DISC1: variants seen among roughly 807,000 people sequenced by gnomAD.
The protein encoded by DISC1 is DISC1 scaffold protein, also known as disrupted in schizophrenia 1 protein.
DISC1 carries 57 observed loss-of-function variants against 84.5 expected under a neutral mutation model. That is an observed-to-expected ratio of 0.67 (90% CI 0.55 to 0.84). DISC1 has a LOEUF of 0.84. DISC1 is among the 40% of genes least tolerant of loss of function. The pLI, the probability that DISC1 is intolerant of heterozygous loss-of-function variation, is 0.00. For synonymous variants in DISC1, 411 were observed against 415.2 expected, an observed-to-expected ratio of 0.99 and a Z score of 0.12; for missense variants, 1,000 against 1,057.8, an observed-to-expected ratio of 0.95 and a Z score of 0.76.
At position 231,825,490 on chromosome 1, in the gene DISC1, C is replaced by T. The variant is rs142827999; in HGVS notation, c.1981+6973C>T. ...GTTGGTAGACACATGTACTCACACA[C>T]GCTCATATAATGTCCTGAAGATTAA... is the stretch of plus-strand genomic sequence containing the variant. On this transcript the variant is annotated intron_variant, in intron 9 of 12. Transcript: ENST00000439617. Among the ~76,000 whole-genome samples the T allele has an allele frequency of 2.5e-3, 380 of 152,260 alleles. 3 individuals carry two copies. Among genetic ancestry groups the T allele is most frequent in the Middle Eastern group, 0.01 (3 of 294 alleles).
chr1:231,705,288 T>A (rs2124942991), intron 3 of DISC1, among the ~76,000 whole-genome samples: 1 of 48,622 alleles, frequency 2.1e-5, no homozygotes, highest in African/African-American at 1.0e-4. Context: ...CGAGACTCCA[T>A]CTCAAAAAAA....
At chr1:231,831,484 A>G (rs56390960) in intron 9 of DISC1, among the ~76,000 whole-genome samples, 48,450 of 149,874 alleles carry the variant, frequency 0.32, 6,071 homozygotes, top group African/African-American at 0.4. Flanking sequence ...GTAGGTGGGA[A>G]TGACTGATGT....
chr1:231,847,342 A>G (rs1388939879), intron 9 of DISC1, among the ~76,000 whole-genome samples: 1 of 152,150 alleles, frequency 6.6e-6, no homozygotes. Flanking sequence ...CCGTGTCTCC[A>G]AAAAGTCACA....
rs2125659766 is a variant in DISC1, at chr1:231,694,346, C to T, written c.588C>T (p.Pro196=). 1 of 1,614,252 alleles carries T rather than the reference C, an allele frequency of 6.2e-7. No homozygotes were observed. The highest frequency in any genetic ancestry group is 8.5e-7 in the Non-Finnish European group (1 of 1,180,042). The change falls in exon 2 of 13, where the codon CCC becomes CCT. Residue 196 remains proline, a synonymous_variant. Coordinates refer to ENST00000439617, the MANE Select transcript of DISC1 (RefSeq NM_018662.3). Reference sequence around the variant, plus strand: ...GCCCTGGCTGTGGCCCTGAGGTCCCCCCAACCCCTCCTGGCTCTCACAGTG... The same window carrying T: ...GCCCTGGCTGTGGCCCTGAGGTCCCTCCAACCCCTCCTGGCTCTCACAGTG... ...SCSPGCGPEV[P]PTPPGSHSAF... is the part of the protein sequence containing the mutation.
At chr1:231,731,837 G>T (rs1170517590) in intron 3 of DISC1, among the ~76,000 whole-genome samples, 1 of 152,154 alleles carries the variant, frequency 6.6e-6, no homozygotes, top group East Asian at 1.9e-4. Context: ...CCAAGGCAAT[G>T]GCTCTCCCTG....
At chr1:231,806,750 G>C (rs1162652428) in intron 8 of DISC1, among the ~76,000 whole-genome samples, 8 of 152,242 alleles carry the variant, frequency 5.3e-5, no homozygotes, top group African/African-American at 1.9e-4. Flanking sequence ...AAAAAGAGCA[G>C]CTCTTTAACC....
chr1:231,775,975 A>C (rs1295833871), intron 6 of DISC1, among the ~76,000 whole-genome samples: 1 of 152,160 alleles, frequency 6.6e-6, no homozygotes, highest in African/African-American at 2.4e-5. Flanking sequence ...AGGAGGTGAC[A>C]GTGTCCAAGA....
intron 1 of DISC1, among the ~76,000 whole-genome samples, chr1:231,648,859 G>A (rs1018636359): frequency 2.0e-5 from 3 of 152,166 alleles, no homozygotes; most frequent in East Asian, 1.9e-4. Flanking sequence ...GGTATTTATA[G>A]CATTCTCTGA....
At chr1:231,888,603 G>A (rs2086956573) in intron 9 of DISC1, among the ~76,000 whole-genome samples, 2 of 151,888 alleles carry the variant, frequency 1.3e-5, no homozygotes, top group Non-Finnish European at 2.9e-5. Flanking sequence ...GCCGGGCATG[G>A]TGGCGGGCAC....
intron 9 of DISC1, among the ~76,000 whole-genome samples, chr1:231,911,599 T>A (rs746758100): frequency 3.9e-5 from 6 of 152,188 alleles, no homozygotes; most frequent in Non-Finnish European, 7.3e-5. Flanking sequence ...CTCTGGCTGC[T>A]CTTAACATAT....
intron 9 of DISC1, among the ~76,000 whole-genome samples, chr1:231,839,379 T>G (rs1216991247): frequency 2.0e-5 from 3 of 152,220 alleles, no homozygotes; most frequent in Non-Finnish European, 2.9e-5. Context: ...CATGTAACAA[T>G]CTTGGCTTAG....
intron 9 of DISC1, among the ~76,000 whole-genome samples, chr1:231,942,168 G>T (rs752877799): frequency 2.0e-5 from 3 of 152,226 alleles, no homozygotes; most frequent in Non-Finnish European, 2.9e-5. Flanking sequence ...TCCAGGGAAA[G>T]CCAGTGCAGG....
In DISC1 at chr1:231,749,410, C is replaced by T. The variant is rs149272162; in HGVS notation, c.1118-516C>T. Among the ~76,000 whole-genome samples, 17 of 152,292 alleles carry T rather than the reference C, an allele frequency of 1.1e-4. 1 individual carries two copies. In the East Asian group the frequency reaches 3.3e-3, roughly 29 times the overall value. ...TCATTAAAATATAATGGAACCCCTA[C>T]TTTACAACAGAAGTGGATATATAGT... On this transcript the variant is annotated intron_variant, in intron 3 of 12. Transcript: ENST00000439617.
At chr1:231,627,251 G>A (rs1278993810) in intron 1 of DISC1, among the ~76,000 whole-genome samples, 1 of 152,170 alleles carries the variant, frequency 6.6e-6, no homozygotes, top group Non-Finnish European at 1.5e-5. Context: ...ACCGGGAAAG[G>A]TTGCAGAGGC....
chr1:231,838,363 A>T (rs1425922171), intron 9 of DISC1, among the ~76,000 whole-genome samples: 1 of 152,132 alleles, frequency 6.6e-6, no homozygotes, highest in East Asian at 1.9e-4. Context: ...TCCTCAAGGA[A>T]CTTTCCAGGC....
At chr1:232,010,880 G>A (rs956567993) in intron 11 of DISC1, among the ~76,000 whole-genome samples, 1 of 152,152 alleles carries the variant, frequency 6.6e-6, no homozygotes, top group African/African-American at 2.4e-5. Flanking sequence ...GGTATAGGTT[G>A]TACACTTTAA....
Position 231,843,626 on chromosome 1 carries a change from A to G in DISC1, c.1981+25109A>G, listed in dbSNP as rs997009906. On this transcript the variant is annotated intron_variant, in intron 9 of 12. Coordinates refer to ENST00000439617, the MANE Select transcript of DISC1 (RefSeq NM_018662.3). Reference sequence around the variant, plus strand: ...GAGGGGATACGTTACAAAGTTGTTCAGCAGTGAGAACCAACAGGACTTGAG... The same window carrying G: ...GAGGGGATACGTTACAAAGTTGTTCGGCAGTGAGAACCAACAGGACTTGAG... Among the ~76,000 whole-genome samples the G allele has an allele frequency of 7.9e-5, 12 of 152,322 alleles. No individual in the cohort carries two copies. In the East Asian group the frequency reaches 2.3e-3, roughly 29 times the overall value.
At chr1:231,835,163 C>G (rs2082535594) in intron 9 of DISC1, among the ~76,000 whole-genome samples, 1 of 152,180 alleles carries the variant, frequency 6.6e-6, no homozygotes, top group South Asian at 2.1e-4. Flanking sequence ...ATCTTTCTCA[C>G]AGAACAAAGA....
intron 11 of DISC1, among the ~76,000 whole-genome samples, chr1:232,016,988 G>A (rs1156311132): frequency 6.6e-6 from 1 of 152,034 alleles, no homozygotes; most frequent in African/African-American, 2.4e-5. Flanking sequence ...TGTAGAACTC[G>A]GCATTTATAT....
Sources: allele counts gnomAD v4.1 joint callset (sites outside exome capture counted in the v4.1 genomes callset), GRCh38; gene constraint gnomAD v4.1.1; transcripts MANE v1.5; gene names NCBI Gene and HGNC (gene_info 2026-07-23, HGNC 2026-07-21).